The following DESI2 variants were observed in gnomAD, a reference collection of about 807,000 sequenced individuals.
The protein encoded by DESI2 is deubiquitinase DESI2.
DESI2 carries 10 observed loss-of-function variants against 24.1 expected under a neutral mutation model. The observed-to-expected ratio is 0.41, with a 90% confidence interval of 0.26 to 0.70. The LOEUF (loss-of-function observed/expected upper bound fraction) is 0.70. DESI2 is among the 30% of genes least tolerant of loss of function. DESI2 has a pLI of 0.29. For synonymous variants in DESI2, 71 were observed against 87.7 expected, an observed-to-expected ratio of 0.81 and a Z score of 1.06; for missense variants, 122 against 234.9, an observed-to-expected ratio of 0.52 and a Z score of 3.14.
chr1:244,673,326 C>A (rs4633273), intron 1 of DESI2, among the ~76,000 whole-genome samples: 149,229 of 152,352 alleles, frequency 0.98, 73,160 homozygotes, highest in East Asian at 1. Flanking sequence ...TAAGAAAAAA[C>A]GTCACACCAA....
chr1:244,673,025 T>G (rs747135503), intron 1 of DESI2, among the ~76,000 whole-genome samples: 4 of 151,924 alleles, frequency 2.6e-5, no homozygotes, highest in Non-Finnish European at 4.4e-5. Flanking sequence ...TTTGGTTTGG[T>G]TTTTTTTACA....
chr1:244,682,263 G>T (rs145676764), intron 1 of DESI2, among the ~76,000 whole-genome samples: 1 of 152,114 alleles, frequency 6.6e-6, no homozygotes, highest in Non-Finnish European at 1.5e-5. Flanking sequence ...TTTACAGAGT[G>T]CTGATTGGTC....
Position 244,679,000 on chromosome 1 carries a change from A to C in DESI2, c.43-7597A>C, listed in dbSNP as rs553328627. ...AAAGCCTAACAAAATTTTTATGTGA[A>C]CTGGCGTGATACCTTGCAGTATTTT... is the stretch of plus-strand genomic sequence containing the variant. On this transcript the variant is annotated intron_variant, in intron 1 of 4. Transcript: ENST00000302550. Among the ~76,000 whole-genome samples the C allele has an allele frequency of 2.0e-5, 3 of 152,256 alleles. No individual in the cohort carries two copies. In the South Asian group the frequency reaches 6.2e-4, roughly 32 times the overall value.
At chr1:244,695,514 G>A (rs1677179809) in intron 4 of DESI2, among the ~76,000 whole-genome samples, 3 of 152,086 alleles carry the variant, frequency 2.0e-5, no homozygotes, top group Non-Finnish European at 2.9e-5. Context: ...TTAGCTGGGC[G>A]TGGTGGCGGG....
In DESI2 at chr1:244,707,802, C is replaced by T. The variant is rs993451522; in HGVS notation, c.*2013C>T. On this transcript the variant is annotated 3_prime_UTR_variant, in exon 5 of 5. Transcript: ENST00000302550. ...AACCAGAATCCAGCAAGTCAGCACA[C>T]AAGTGATTTTATTGTTATTTTGTTG... 5 of 152,164 alleles carry T rather than the reference C, an allele frequency of 3.3e-5. No homozygotes were observed. The highest frequency in any genetic ancestry group is 9.7e-5 in the African/African-American group (4 of 41,428). The allele number at this position is 152,164 out of a possible 1,614,324, so 9.4% of individuals were successfully genotyped here.
chr1:244,662,474 A>T lies in DESI2; in HGVS notation c.42+9119A>T, dbSNP rs78023268. Among the ~76,000 whole-genome samples, 294 of 152,338 alleles carry T rather than the reference A, an allele frequency of 1.9e-3. 3 individuals carry two copies. The Middle Eastern group carries it at 0.02, about 11-fold the overall frequency. ...ATAAATTAACTTGGGAAGAACTGACATCTTTTCTATCATATTCTTCCCTCC... is the reference window on the plus strand; with the variant it reads ...ATAAATTAACTTGGGAAGAACTGACTTCTTTTCTATCATATTCTTCCCTCC... On this transcript the variant is annotated intron_variant, in intron 1 of 4. Transcript: ENST00000302550.
intron 1 of DESI2, among the ~76,000 whole-genome samples, chr1:244,677,302 A>G (rs749374164): frequency 1.3e-5 from 2 of 151,970 alleles, no homozygotes; most frequent in Non-Finnish European, 2.9e-5. Context: ...GAATTTGTCC[A>G]TTTCATCTCA....
At chr1:244,673,275 C>G (rs146373557) in intron 1 of DESI2, among the ~76,000 whole-genome samples, 1 of 152,302 alleles carries the variant, frequency 6.6e-6, no homozygotes, top group Admixed American at 6.5e-5. Flanking sequence ...CTCTAACCAA[C>G]TCTCCCTGGA....
At chr1:244,664,021 A>G (rs67929768) in intron 1 of DESI2, among the ~76,000 whole-genome samples, 109 of 11,748 alleles carry the variant, frequency 9.3e-3, no homozygotes, top group Non-Finnish European at 0.024. Context: ...CCGTCTCAGG[A>G]AAAAAAAAAA....
At chr1:244,664,412 C>G (rs1675972292) in intron 1 of DESI2, among the ~76,000 whole-genome samples, 1 of 152,070 alleles carries the variant, frequency 6.6e-6, no homozygotes, top group Non-Finnish European at 1.5e-5. Flanking sequence ...AGACGTAATC[C>G]ATATGGTGTA....
chr1:244,707,396 G>T lies in DESI2; in HGVS notation c.*1607G>T. The stretch of plus-strand genomic sequence containing the variant: ...GCCACTTAACCTAATTTATGCTTTC[G>T]ACTGTTCTGTTTCCAGAGAGGAAAG... On this transcript the variant is annotated 3_prime_UTR_variant, in exon 5 of 5. Coordinates refer to ENST00000302550, the MANE Select transcript of DESI2 (RefSeq NM_016076.5). 1.3e-5 allele frequency: 2 copies of T among 152,572 alleles called. No homozygotes were observed. The highest frequency in any genetic ancestry group is 3.9e-4 in the East Asian group (2 of 5,192). 9.5% of individuals were successfully genotyped at this position (152,572 alleles called of 1,614,324 possible).
intron 1 of DESI2, among the ~76,000 whole-genome samples, chr1:244,661,547 T>C (rs1280845842): frequency 6.6e-6 from 1 of 152,166 alleles, no homozygotes; most frequent in Admixed American, 6.5e-5. Flanking sequence ...CTCCTAATGC[T>C]ATCCCTCCCC....
chr1:244,658,593 C>CA (rs1487125299), intron 1 of DESI2, among the ~76,000 whole-genome samples: 2 of 152,184 alleles, frequency 1.3e-5, no homozygotes, highest in Non-Finnish European at 2.9e-5. Flanking sequence ...CAGGGCCTGT[C>CA]ACTAGATGGT....
intron 4 of DESI2, among the ~76,000 whole-genome samples, chr1:244,705,308 T>C (rs576642671): frequency 4.6e-5 from 7 of 152,158 alleles, no homozygotes; most frequent in Non-Finnish European, 1.5e-5. Context: ...TTAGCTTGAT[T>C]TCACAGATAT....
In DESI2 at chr1:244,689,381, T is replaced by A. The variant is rs762100695; in HGVS notation, c.209+39T>A. 2 of 945,406 alleles carry A rather than the reference T, an allele frequency of 2.1e-6. No homozygotes were observed. The highest frequency in any genetic ancestry group is 1.6e-5 in the African/African-American group (1 of 61,198). 58.6% of individuals were successfully genotyped at this position (945,406 alleles called of 1,614,324 possible). A position where few individuals can be genotyped will look rare whatever the true frequency, so the allele number is the denominator to read the frequency against. On this transcript the variant is annotated intron_variant, in intron 3 of 4. Transcript: ENST00000302550. The surrounding 1 kb of genome is among the most constrained non-coding windows in gnomAD (Gnocchi z 4.0). Reference sequence around the variant, plus strand: ...ATAATTTTTATTACACTGTCTTAGGTGCCATAGCTTGTTTTCAGGTATACA... The same window carrying A: ...ATAATTTTTATTACACTGTCTTAGGAGCCATAGCTTGTTTTCAGGTATACA...
chr1:244,666,555 T>A (rs1676053815), intron 1 of DESI2, among the ~76,000 whole-genome samples: 1 of 152,242 alleles, frequency 6.6e-6, no homozygotes, highest in Non-Finnish European at 1.5e-5. Flanking sequence ...TGAAGGTTTG[T>A]CTTTTTAAAT....
Position 244,689,463 on chromosome 1 carries a change from A to T in DESI2, c.209+121A>T, listed in dbSNP as rs1676943077. 1.7e-6 allele frequency: 1 copy of T among 577,248 alleles called. No homozygotes were observed. The highest frequency in any genetic ancestry group is 3.1e-6 in the Non-Finnish European group (1 of 320,560). 35.8% of individuals were successfully genotyped at this position (577,248 alleles called of 1,614,324 possible). A position where few individuals can be genotyped will look rare whatever the true frequency, so the allele number is the denominator to read the frequency against. ...GAAGTTAAAAATGTCTCTTTGTTTT[A>T]ATTGCTGACATTTTATATAACTCAA... On this transcript the variant is annotated intron_variant, in intron 3 of 4. Transcript: ENST00000302550. This position sits in a 1 kb window ranked among gnomAD's most constrained non-coding sequence, Gnocchi z 4.0.
intron 2 of DESI2, among the ~76,000 whole-genome samples, chr1:244,688,051 T>C (rs1343940334): frequency 6.6e-6 from 1 of 152,202 alleles, no homozygotes; most frequent in Non-Finnish European, 1.5e-5. Flanking sequence ...TGTTCTTGTA[T>C]GCTAGTCCGT....
At chr1:244,673,469 C>A (rs1239946665) in intron 1 of DESI2, among the ~76,000 whole-genome samples, 2 of 152,162 alleles carry the variant, frequency 1.3e-5, no homozygotes, top group Non-Finnish European at 2.9e-5. Context: ...TTGATATATT[C>A]CTTTTTTATA....
Sources: allele counts gnomAD v4.1 joint callset (sites outside exome capture counted in the v4.1 genomes callset), GRCh38; gene constraint gnomAD v4.1.1; non-coding constraint Gnocchi (gnomAD v3.1); transcripts MANE v1.5; gene names NCBI Gene and HGNC (gene_info 2026-07-23, HGNC 2026-07-21).